SNED1: variants seen among roughly 807,000 people sequenced by gnomAD.
SNED1 encodes the protein sushi, nidogen and EGF like domains 1.
In SNED1, 81 loss-of-function variants were observed where a neutral mutation model predicts 166.7. The ratio of observed to expected loss-of-function variants is 0.49; its 90% CI spans 0.41 to 0.58. SNED1 has a LOEUF of 0.58. Among genes scored for constraint, SNED1 ranks in the 20% least tolerant of loss-of-function variants. The pLI is 0.00. For synonymous variants in SNED1, 762 were observed against 822.0 expected (o/e 0.93, Z 1.25); for missense variants, 1,604 against 2,000.2 (o/e 0.80, Z 3.78).
At chr2:241,082,608 T>C (rs1053779128) in intron 29 of SNED1, among the ~76,000 whole-genome samples, 4 of 152,054 alleles carry the variant, frequency 2.6e-5, no homozygotes, top group African/African-American at 9.7e-5. Context: ...AGGCTCCTGG[T>C]CCCCAGGCCC....
intron 6 of SNED1, among the ~76,000 whole-genome samples, chr2:241,039,024 T>A (rs1035833815): frequency 2.0e-5 from 3 of 152,194 alleles, no homozygotes; most frequent in Non-Finnish European, 2.9e-5. Flanking sequence ...AGCATGTCAG[T>A]TGTACGTGTG....
intron 16 of SNED1, among the ~76,000 whole-genome samples, chr2:241,060,174 C>T (rs2062187506): frequency 6.6e-6 from 1 of 151,590 alleles, no homozygotes; most frequent in Non-Finnish European, 1.5e-5. Flanking sequence ...AATGTAAAAG[C>T]TAAAACTATA....
chr2:241,062,058 T>C (rs2062251070), intron 16 of SNED1, among the ~76,000 whole-genome samples: 1 of 152,220 alleles, frequency 6.6e-6, no homozygotes, highest in Non-Finnish European at 1.5e-5. Context: ...TATATCATGA[T>C]GTACTATGAA....
At chr2:241,056,802 C>T (rs527999362) in intron 16 of SNED1, among the ~76,000 whole-genome samples, 3 of 150,784 alleles carry the variant, frequency 2.0e-5, no homozygotes, top group Admixed American at 6.6e-5. Flanking sequence ...AGGATGGTCT[C>T]GATCTCCTGA....
intron 24 of SNED1, 130 bp downstream of exon 24, chr2:241,070,331 A>G: frequency 1.0e-6 from 1 of 983,610 alleles, no homozygotes; most frequent in African/African-American, 1.6e-5. Flanking sequence ...CCGTGTTAGC[A>G]GGGGAGGAGT....
At chr2:241,077,940 T>C (rs1159243379) in intron 27 of SNED1, among the ~76,000 whole-genome samples, 1 of 152,132 alleles carries the variant, frequency 6.6e-6, no homozygotes, top group African/African-American at 2.4e-5. Context: ...ATTAAACCAA[T>C]AGTTACCGCA....
At position 241,089,510 on chromosome 2, in the gene SNED1, TG is replaced by T. The variant is rs1398747053; in HGVS notation, c.*1+1110del. On this transcript the variant is annotated intron_variant, in intron 31 of 31. Transcript: ENST00000310397. ...AAGGTCTGGGCCGGAGCTCCGCACA[TG>T]GCAGGAACTTGAGCTCTGAGTTGGC... The T allele has an allele frequency of 1.2e-5, 16 of 1,391,216 alleles. No individual in the cohort carries two copies. The African/African-American group carries it at 1.9e-4, about 16-fold the overall frequency. The allele number at this position is 1,391,216 out of a possible 1,614,324, so 86.2% of individuals were successfully genotyped here. A position where few individuals can be genotyped will look rare whatever the true frequency, so the allele number is the denominator to read the frequency against.
At chr2:241,082,493 T>A in intron 29 of SNED1, 129 bp downstream of exon 29, 4 of 654,396 alleles carry the variant, frequency 6.1e-6, no homozygotes. Context: ...GGGACTTGCT[T>A]TGACCATCGA....
At position 241,091,588 on chromosome 2, in the gene SNED1, T is replaced by A. The variant is rs2064007678; in HGVS notation, c.*2-50T>A. 1 of 151,950 alleles carries A rather than the reference T, an allele frequency of 6.6e-6. No individual in the cohort carries two copies. Among genetic ancestry groups the A allele is most frequent in the South Asian group, 2.1e-4 (1 of 4,828 alleles). 9.4% of individuals were successfully genotyped at this position (151,950 alleles called of 1,614,324 possible). A position where few individuals can be genotyped will look rare whatever the true frequency, so the allele number is the denominator to read the frequency against. ...AGGAAGCAGCCCATTTAAAGAGGAG[T>A]GGGAATGCCTGTCATTCTCCTCATG... On this transcript the variant is annotated intron_variant, in intron 31 of 31. Transcript: ENST00000310397. This position sits in a 1 kb window ranked among gnomAD's most constrained non-coding sequence, Gnocchi z 4.1.
intron 8 of SNED1, among the ~76,000 whole-genome samples, chr2:241,047,250 C>G (rs2061678551): frequency 6.6e-6 from 1 of 150,892 alleles, no homozygotes; most frequent in South Asian, 2.1e-4. Context: ...ATGGGGAATA[C>G]TGCTGGGAAT....
intron 16 of SNED1, among the ~76,000 whole-genome samples, chr2:241,054,169 AC>A (rs1288860827): frequency 6.6e-6 from 1 of 151,430 alleles, no homozygotes; most frequent in Admixed American, 6.6e-5. Flanking sequence ...CTTGGAGATG[AC>A]CCCCCCTCCC....
chr2:241,014,917 G>A (rs1329647406), intron 1 of SNED1, among the ~76,000 whole-genome samples: 2 of 152,082 alleles, frequency 1.3e-5, no homozygotes, highest in African/African-American at 4.8e-5. Context: ...TTGAAAAGCC[G>A]CCTCTCCCCA....
chr2:241,091,289 A>G lies in SNED1; in HGVS notation c.*2-349A>G, dbSNP rs2063962847. ...ACACAGCTGTGCCCTTGGAGAAAAG[A>G]CCCAGAGTCGTTACCGGAAGGAGGA... On this transcript the variant is annotated intron_variant, in intron 31 of 31. Transcript: ENST00000310397. The surrounding 1 kb of genome is among the most constrained non-coding windows in gnomAD (Gnocchi z 4.1). 6.6e-6 allele frequency among the ~76,000 whole-genome samples: 1 copy of G among 152,184 alleles called. No individual in the cohort carries two copies. Among genetic ancestry groups the G allele is most frequent in the Non-Finnish European group, 1.5e-5 (1 of 68,032 alleles).
At chr2:241,012,399 C>T (rs1177335893) in intron 1 of SNED1, among the ~76,000 whole-genome samples, 1 of 152,254 alleles carries the variant, frequency 6.6e-6, no homozygotes, top group Non-Finnish European at 1.5e-5. Flanking sequence ...GCCACCGCCC[C>T]ACCCTGCATC....
intron 6 of SNED1, among the ~76,000 whole-genome samples, chr2:241,038,148 A>C (rs924811295): frequency 6.6e-6 from 1 of 151,968 alleles, no homozygotes; most frequent in African/African-American, 2.4e-5. Context: ...CTAAAATCAA[A>C]GCACCGTGAC....
chr2:241,082,710 C>G (rs1427884528), intron 29 of SNED1, among the ~76,000 whole-genome samples: 3 of 152,212 alleles, frequency 2.0e-5, no homozygotes, highest in African/African-American at 7.2e-5. Flanking sequence ...TCAGAGCCCC[C>G]TGGAAAAACA....
intron 8 of SNED1, among the ~76,000 whole-genome samples, chr2:241,043,036 C>A (rs909429287): frequency 5.3e-5 from 8 of 151,372 alleles, no homozygotes; most frequent in African/African-American, 1.7e-4. Context: ...GGATGGAGAA[C>A]AATATTAAGC....
rs543682992 is a variant in SNED1 at position 241,013,253 on chromosome 2, C to T, written c.213+14203C>T. Among the ~76,000 whole-genome samples, 11 of 152,270 alleles carry T rather than the reference C, an allele frequency of 7.2e-5. No individual in the cohort carries two copies. Among genetic ancestry groups the T allele is most frequent in the Admixed American group, 3.9e-4 (6 of 15,284 alleles). On this transcript the variant is annotated intron_variant, in intron 1 of 31. Transcript: ENST00000310397. The surrounding 1 kb of genome is among the most constrained non-coding windows in gnomAD (Gnocchi z 4.6). ...ACATTTCCCCATTTCCCACCTCAGC[C>T]CCTGGTAACCATCCTTCTACTCTCT...
chr2:241,090,739 C>T (rs1273320873), intron 31 of SNED1, among the ~76,000 whole-genome samples: 2 of 152,030 alleles, frequency 1.3e-5, no homozygotes, highest in Admixed American at 6.6e-5. Flanking sequence ...TGGTGGTGGG[C>T]ACCTGTAATC....
Sources: gnomAD v4.1 joint callset for allele counts (sites outside exome capture counted in the v4.1 genomes callset) on GRCh38, gnomAD v4.1.1 for gene constraint, Gnocchi (gnomAD v3.1) non-coding constraint, MANE v1.5 for transcripts, NCBI Gene and HGNC (gene_info 2026-07-23, HGNC 2026-07-21) for gene names.